ZNF704: variants seen among roughly 807,000 people sequenced by gnomAD.
ZNF704 encodes zinc finger protein 704.
ZNF704 carries 10 observed loss-of-function variants against 44.7 expected under a neutral mutation model. The observed-to-expected ratio is 0.22, with a 90% CI of 0.14 to 0.38. The LOEUF (loss-of-function observed/expected upper bound fraction) is 0.38. Among genes scored for constraint, ZNF704 ranks in the 10% least tolerant of loss-of-function variants. The pLI, the probability that ZNF704 is intolerant of heterozygous loss-of-function variation, is 1.00. For synonymous variants in ZNF704, 211 were observed against 207.6 expected (o/e 1.02, Z -0.14); for missense variants, 390 against 545.5 (o/e 0.71, Z 2.84).
chr8:80,766,675 G>A (rs965706233), intron 2 of ZNF704, among the ~76,000 whole-genome samples: 4 of 152,028 alleles, frequency 2.6e-5, no homozygotes, highest in African/African-American at 9.7e-5. Flanking sequence ...GAATATTAGA[G>A]TTAGAAGGAC....
intron 1 of ZNF704, among the ~76,000 whole-genome samples, chr8:80,862,816 G>A (rs1008445175): frequency 1.4e-5 from 2 of 142,850 alleles, no homozygotes; most frequent in South Asian, 2.4e-4. Context: ...AAGAATTGTT[G>A]TCACTCAGCA....
chr8:80,664,665 T>G, intron 6 of ZNF704, 150 bp downstream of exon 6: 2 of 913,034 alleles, frequency 2.2e-6, no homozygotes, highest in Middle Eastern at 3.5e-4. Context: ...CTGTGTGAGA[T>G]CTTAGGCTTT....
chr8:80,708,841 CTTT>C (rs547908173), intron 2 of ZNF704, among the ~76,000 whole-genome samples: 1 of 144,846 alleles, frequency 6.9e-6, no homozygotes, highest in Non-Finnish European at 1.5e-5. Context: ...GTCTTCTTTC[CTTT>C]TTTTTTTTGT....
At chr8:80,788,163 T>A (rs1003944030) in intron 2 of ZNF704, among the ~76,000 whole-genome samples, 2 of 152,236 alleles carry the variant, frequency 1.3e-5, no homozygotes, top group African/African-American at 2.4e-5. Context: ...AGTAGTTGAA[T>A]ACTTTTATAA....
intron 1 of ZNF704, among the ~76,000 whole-genome samples, chr8:80,871,615 G>T (rs1809253530): frequency 6.6e-6 from 1 of 152,206 alleles, no homozygotes; most frequent in East Asian, 1.9e-4. Context: ...CTAGATGTGA[G>T]CATCAGGAAG....
intron 2 of ZNF704, among the ~76,000 whole-genome samples, chr8:80,742,513 C>T (rs1292216123): frequency 6.6e-6 from 1 of 152,164 alleles, no homozygotes; most frequent in Non-Finnish European, 1.5e-5. Context: ...ATAGTCAAGG[C>T]CTGTGACGTG....
intron 4 of ZNF704, 47 bp downstream of exon 4, chr8:80,687,179 C>T: frequency 6.5e-7 from 1 of 1,548,670 alleles, no homozygotes. Flanking sequence ...GGACAGAAAG[C>T]ACCTTCAGGA....
chr8:80,814,687 G>A (rs1808146698), intron 2 of ZNF704, among the ~76,000 whole-genome samples: 1 of 152,050 alleles, frequency 6.6e-6, no homozygotes, highest in Non-Finnish European at 1.5e-5. Flanking sequence ...AAAAAGAAAT[G>A]TTCTAAAATT....
At chr8:80,785,231 T>C (rs1807595029) in intron 2 of ZNF704, among the ~76,000 whole-genome samples, 1 of 152,182 alleles carries the variant, frequency 6.6e-6, no homozygotes, top group Non-Finnish European at 1.5e-5. Flanking sequence ...TCAATTGGGA[T>C]TGGTCTGATG....
At chr8:80,718,920 C>A (rs1226794610) in intron 2 of ZNF704, among the ~76,000 whole-genome samples, 1 of 152,092 alleles carries the variant, frequency 6.6e-6, no homozygotes, top group Non-Finnish European at 1.5e-5. Flanking sequence ...TCTTTGTGTT[C>A]TTCAGTGACT....
intron 7 of ZNF704, chr8:80,644,993 A>G: frequency 8.4e-7 from 1 of 1,194,874 alleles, no homozygotes; most frequent in Non-Finnish European, 1.3e-6. Flanking sequence ...GTTCTGGTTC[A>G]TGGATCATAT....
chr8:80,685,783 C>T (rs762664193), intron 4 of ZNF704, among the ~76,000 whole-genome samples: 1 of 152,218 alleles, frequency 6.6e-6, no homozygotes, highest in Non-Finnish European at 1.5e-5. Flanking sequence ...ATCACCTCCA[C>T]TGTTACACAT....
chr8:80,714,098 C>T (rs900548707), intron 2 of ZNF704, among the ~76,000 whole-genome samples: 5 of 152,292 alleles, frequency 3.3e-5, no homozygotes, highest in East Asian at 3.9e-4. Context: ...CCGTAACAAG[C>T]GCGATCTTGC....
At chr8:80,807,418 T>C (rs1262843131) in intron 2 of ZNF704, among the ~76,000 whole-genome samples, 1 of 152,022 alleles carries the variant, frequency 6.6e-6, no homozygotes, top group African/African-American at 2.4e-5. Context: ...AGTGAAAAGG[T>C]GTTTTTAAAT....
Position 80,670,666 on chromosome 8 carries a change from C to T in ZNF704, c.559-63G>A, listed in dbSNP as rs183780006. Reference sequence around the variant, plus strand: ...TTTTCTAACAACATTTTCTTTATGTCATCCCAACATATTTTTTTCCTTCAT... The same window carrying T: ...TTTTCTAACAACATTTTCTTTATGTTATCCCAACATATTTTTTTCCTTCAT... On this transcript the variant is annotated intron_variant, in intron 4 of 8. Coordinates refer to ENST00000327835, the MANE Select transcript of ZNF704 (RefSeq NM_001033723.3). The T allele has an allele frequency of 3.5e-5, 41 of 1,179,412 alleles. No individual in the cohort carries two copies. The Admixed American group carries it at 6.2e-4, about 18-fold the overall frequency. 73.1% of individuals were successfully genotyped at this position (1,179,412 alleles called of 1,614,324 possible).
At chr8:80,804,620 T>G (rs1431017610) in intron 2 of ZNF704, among the ~76,000 whole-genome samples, 1 of 152,056 alleles carries the variant, frequency 6.6e-6, no homozygotes, top group Admixed American at 6.5e-5. Context: ...AAGTGGGAGC[T>G]GAAGGATGAG....
At chr8:80,726,854 C>CACAT (rs1408899869) in intron 2 of ZNF704, among the ~76,000 whole-genome samples, 1 of 151,972 alleles carries the variant, frequency 6.6e-6, no homozygotes, top group African/African-American at 2.4e-5. Context: ...CACACACACA[C>CACAT]ACAGACACAC....
chr8:80,757,171 T>C (rs11986279), intron 2 of ZNF704, among the ~76,000 whole-genome samples: 28,111 of 152,112 alleles, frequency 0.18, 5,361 homozygotes, highest in African/African-American at 0.49. Flanking sequence ...GAAGGCATTG[T>C]TATCATAGGA....
At chr8:80,795,730 A>C (rs955101100) in intron 2 of ZNF704, among the ~76,000 whole-genome samples, 11 of 152,134 alleles carry the variant, frequency 7.2e-5, no homozygotes, top group African/African-American at 2.4e-4. Flanking sequence ...AAAAAAAAAA[A>C]AAAAACAGTA....
Sources: allele counts gnomAD v4.1 joint callset (sites outside exome capture counted in the v4.1 genomes callset), GRCh38; gene constraint gnomAD v4.1.1; transcripts MANE v1.5; gene names NCBI Gene and HGNC (gene_info 2026-07-23, HGNC 2026-07-21).